The following SNTA1 variants were observed in gnomAD, a reference collection of about 807,000 sequenced individuals.
The protein encoded by SNTA1 is alpha-1-syntrophin.
SNTA1 carries 31 observed loss-of-function variants against 47.1 expected under a neutral mutation model. The observed-to-expected ratio is 0.66, with a 90% CI of 0.49 to 0.89. The LOEUF (loss-of-function observed/expected upper bound fraction) is 0.89, where lower values mean the gene tolerates loss of function less well. Among genes scored for constraint, SNTA1 ranks in the 40% least tolerant of loss-of-function variants. The pLI is 0.00. For missense variants in SNTA1, 575 were observed against 693.0 expected (o/e 0.83, Z 1.91); for synonymous variants, 300 against 313.6 (o/e 0.96, Z 0.46).
intron 2 of SNTA1, among the ~76,000 whole-genome samples, chr20:33,424,750 G>A (rs796089114): frequency 1.2e-3 from 182 of 151,326 alleles, no homozygotes; most frequent in African/African-American, 4.1e-3. Flanking sequence ...CTGGGCTCAA[G>A]CAACCCACCC....
At chr20:33,440,979 A>T (rs1323010190) in intron 1 of SNTA1, among the ~76,000 whole-genome samples, 1 of 152,254 alleles carries the variant, frequency 6.6e-6, no homozygotes, top group Non-Finnish European at 1.5e-5. Flanking sequence ...TAGAGTCTAG[A>T]GATTCTAAAA....
At position 33,437,764 on chromosome 20, in the gene SNTA1, G is replaced by C. The variant is rs117961740; in HGVS notation, c.496+1077C>G. 1.9e-3 allele frequency among the ~76,000 whole-genome samples: 294 copies of C among 152,304 alleles called. 5 individuals are homozygous for C. The East Asian group carries it at 0.049, about 25-fold the overall frequency. ...AGGCCCCCACGGGGCTTCCAGAGCT[G>C]ACAGAGTTTGAGGAAAGGGCTGAGC... On this transcript the variant is annotated intron_variant, in intron 2 of 7. Transcript: ENST00000217381.
intron 1 of SNTA1, 64 bp downstream of exon 1, chr20:33,443,247 G>C: frequency 2.3e-6 from 3 of 1,309,444 alleles, no homozygotes; most frequent in East Asian, 3.1e-5. Context: ...CGCGCTGCCA[G>C]CCCCCTGCGC....
rs1200381592 is a variant in SNTA1, at chr20:33,410,311, G to T, written c.1061C>A (p.Ser354Tyr). 1.9e-6 allele frequency: 3 copies of T among 1,607,420 alleles called. No homozygotes were observed. Among genetic ancestry groups the T allele is most frequent in the Middle Eastern group, 2.1e-4 (1 of 4,664 alleles). Reference sequence around the variant, plus strand: ...TGCATCGTAGGGCACTGAGCCCTTGGAGGGGCCTGAGTGCACCAGTCTGGG... The same window carrying T: ...TGCATCGTAGGGCACTGAGCCCTTGTAGGGGCCTGAGTGCACCAGTCTGGG... ...IATRLVHSGPSKGSVPYDAEL... is the reference protein window; with the variant it reads ...IATRLVHSGPYKGSVPYDAEL... Residue 354 changes from serine (S) to tyrosine (Y), a missense_variant, in exon 6 of 8, where the codon TCC becomes TAC. Transcript: ENST00000217381.
At chr20:33,443,035 A>AC (rs1037416447) in intron 1 of SNTA1, among the ~76,000 whole-genome samples, 11 of 142,476 alleles carry the variant, frequency 7.7e-5, no homozygotes, top group Middle Eastern at 3.7e-3. Context: ...TACCCCTCAG[A>AC]CCCCCCCGCC....
intron 3 of SNTA1, among the ~76,000 whole-genome samples, chr20:33,414,483 A>G (rs1271165731): frequency 6.6e-6 from 1 of 151,798 alleles, no homozygotes; most frequent in East Asian, 1.9e-4. Context: ...GGTCCCAGCT[A>G]CTTGGGAGGC....
At chr20:33,442,951 G>A (rs922818932) in intron 1 of SNTA1, among the ~76,000 whole-genome samples, 1 of 151,982 alleles carries the variant, frequency 6.6e-6, no homozygotes, top group Non-Finnish European at 1.5e-5. Context: ...TCCCACTGGT[G>A]TCCCGGCCTC....
intron 2 of SNTA1, among the ~76,000 whole-genome samples, chr20:33,438,168 C>T (rs190343599): frequency 2.2e-4 from 34 of 152,226 alleles, no homozygotes; most frequent in East Asian, 1.9e-4. Context: ...GGCATGGTGA[C>T]GCACACCTGT....
intron 5 of SNTA1, among the ~76,000 whole-genome samples, chr20:33,411,258 T>C (rs1448952905): frequency 6.6e-6 from 1 of 151,828 alleles, no homozygotes; most frequent in African/African-American, 2.4e-5. Flanking sequence ...CCAAGCTCCC[T>C]CTCCATCCCA....
At chr20:33,438,475 G>T (rs1387243877) in intron 2 of SNTA1, among the ~76,000 whole-genome samples, 2 of 152,084 alleles carry the variant, frequency 1.3e-5, no homozygotes, top group Non-Finnish European at 1.5e-5. Context: ...TGTCACTCAG[G>T]TGCTGGCACA....
intron 2 of SNTA1, among the ~76,000 whole-genome samples, chr20:33,433,410 G>A (rs529244088): frequency 6.6e-6 from 1 of 151,548 alleles, no homozygotes; most frequent in African/African-American, 2.4e-5. Context: ...GATTACAGGC[G>A]CGTGTCACCA....
chr20:33,436,199 A>G, intron 2 of SNTA1, among the ~76,000 whole-genome samples: 1 of 152,040 alleles, frequency 6.6e-6, no homozygotes, highest in East Asian at 1.9e-4. Flanking sequence ...TCTCAAAAAT[A>G]TAAATAAATA....
At chr20:33,436,141 C>T (rs879916042) in intron 2 of SNTA1, among the ~76,000 whole-genome samples, 1 of 151,674 alleles carries the variant, frequency 6.6e-6, no homozygotes, top group African/African-American at 2.4e-5. Flanking sequence ...TGCAGTGAGC[C>T]GAGATCCCGC....
chr20:33,410,248 C>T lies in SNTA1; in HGVS notation c.1124G>A (p.Gly375Asp), dbSNP rs1047111033. 4 of 1,613,564 alleles carry T rather than the reference C, an allele frequency of 2.5e-6. No individual in the cohort carries two copies. Among genetic ancestry groups the T allele is most frequent in the Non-Finnish European group, 2.5e-6 (3 of 1,179,940 alleles). ...SFALRTGTRHGVDTHLFSVES... is the reference protein window; with the variant it reads ...SFALRTGTRHDVDTHLFSVES... ...CACGCTGAACAGGTGAGTGTCCACACCGTGACGCGTGCCCGTGCGCAGGGC... is the reference window on the plus strand; with the variant it reads ...CACGCTGAACAGGTGAGTGTCCACATCGTGACGCGTGCCCGTGCGCAGGGC... Residue 375 changes from glycine (G) to aspartate (D), a missense_variant, in exon 6 of 8, where the codon GGT (glycine) becomes GAT (aspartate). By Grantham distance (94) the Gly-to-Asp change is moderately conservative (BLOSUM62 -1). Transcript: ENST00000217381.
chr20:33,409,975 A>T (rs1167735955), intron 6 of SNTA1, among the ~76,000 whole-genome samples, 160 bp downstream of exon 6: 1 of 152,144 alleles, frequency 6.6e-6, no homozygotes, highest in East Asian at 1.9e-4. Flanking sequence ...CATGTTTGCC[A>T]GACTGGTCTC....
chr20:33,414,455 G>A (rs961455644), intron 3 of SNTA1, among the ~76,000 whole-genome samples: 1 of 151,536 alleles, frequency 6.6e-6, no homozygotes, highest in Non-Finnish European at 1.5e-5. Flanking sequence ...TTAGCCAGAC[G>A]TCATGGCGGG....
In SNTA1 at chr20:33,421,957, CAAAAAAAAAAA is replaced by C. The variant is rs34754645; in HGVS notation, c.497-4045_497-4035del. Reference sequence around the variant, plus strand: ...GGGCGACAGAGCAAGACCCTGTCTCCAAAAAAAAAAAAAAAAAAAAAAAAGTCTGCCTCAGA... The same window carrying C: ...GGGCGACAGAGCAAGACCCTGTCTCCAAAAAAAAAAAAAGTCTGCCTCAGA... On this transcript the variant is annotated intron_variant, in intron 2 of 7. Transcript: ENST00000217381. Among the ~76,000 whole-genome samples, 5 of 70,024 alleles carry C rather than the reference CAAAAAAAAAAA, an allele frequency of 7.1e-5. No homozygotes were observed. In the South Asian group the frequency reaches 2.8e-3, roughly 39 times the overall value. The allele number at this position is 70,024 out of a possible 152,430, so 45.9% of individuals were successfully genotyped here.
intron 3 of SNTA1, among the ~76,000 whole-genome samples, chr20:33,416,996 C>T (rs186933762): frequency 2.2e-4 from 33 of 150,926 alleles, no homozygotes; most frequent in Non-Finnish European, 4.4e-5. Flanking sequence ...GCCTGTAGTC[C>T]CAGCTACTTA....
chr20:33,409,940 A>G (rs1357715205), intron 6 of SNTA1, among the ~76,000 whole-genome samples, 195 bp downstream of exon 6: 2 of 152,106 alleles, frequency 1.3e-5, no homozygotes, highest in African/African-American at 2.4e-5. Context: ...CAATTTTTGT[A>G]TTATTAGTAG....
Sources: allele counts gnomAD v4.1 joint callset (sites outside exome capture counted in the v4.1 genomes callset), GRCh38; gene constraint gnomAD v4.1.1; transcripts MANE v1.5; gene names NCBI Gene and HGNC (gene_info 2026-07-23, HGNC 2026-07-21).